The following RASAL2 variants were observed in gnomAD, a reference collection of about 807,000 sequenced individuals.
The protein encoded by RASAL2 is RAS protein activator like 2.
RASAL2 carries 58 observed loss-of-function variants against 128.9 expected under a neutral mutation model. The observed-to-expected ratio is 0.45, with a 90% CI of 0.36 to 0.56. The LOEUF is 0.56. Ranked by LOEUF, RASAL2 falls within the 20% of genes least tolerant of loss-of-function variation. The pLI, the probability that RASAL2 is intolerant of heterozygous loss-of-function variation, is 0.00. For missense variants in RASAL2, 1,360 were observed against 1,601.6 expected (o/e 0.85, Z 2.57); for synonymous variants, 561 against 580.8 (o/e 0.97, Z 0.49).
intron 1 of RASAL2, among the ~76,000 whole-genome samples, chr1:178,246,883 A>G (rs1321251599): frequency 1.3e-5 from 2 of 152,160 alleles, no homozygotes; most frequent in Non-Finnish European, 2.9e-5. Context: ...TGATTTGCAT[A>G]TGTTGAACCA....
At chr1:178,381,833 T>C (rs894753905) in intron 3 of RASAL2, among the ~76,000 whole-genome samples, 3 of 152,150 alleles carry the variant, frequency 2.0e-5, no homozygotes, top group Non-Finnish European at 2.9e-5. Flanking sequence ...GTATATATTA[T>C]TAAATCAGTT....
intron 3 of RASAL2, chr1:178,341,733 G>A: frequency 2.8e-6 from 4 of 1,417,984 alleles, no homozygotes; most frequent in Non-Finnish European, 3.9e-6. Context: ...AAAAAAATAG[G>A]TTGGTTTTTA....
At chr1:178,338,988 G>T (rs1669732069) in intron 3 of RASAL2, among the ~76,000 whole-genome samples, 1 of 152,198 alleles carries the variant, frequency 6.6e-6, no homozygotes, top group African/African-American at 2.4e-5. Flanking sequence ...CCTGACGTTA[G>T]TCAGTGCTTC....
chr1:178,458,175 C>T lies in RASAL2; in HGVS notation c.2883C>T (p.Asp961=). The change falls in exon 14 of 18, where the codon GAC becomes GAT. Residue 961 remains aspartate, a synonymous_variant. Coordinates refer to ENST00000367649, the MANE Select transcript of RASAL2 (RefSeq NM_170692.4). ...CCAGAAGCCAAAGTAACAGTGAAGACTTCAAGCTCAGTGGACCCAGCAATA... is the reference window on the plus strand; with the variant it reads ...CCAGAAGCCAAAGTAACAGTGAAGATTTCAAGCTCAGTGGACCCAGCAATA... ...ASSRSQSNSE[D]FKLSGPSNSS... The T allele has an allele frequency of 6.2e-7, 1 of 1,614,242 alleles. No homozygotes were observed. The highest frequency in any genetic ancestry group is 1.1e-5 in the South Asian group (1 of 91,086).
intron 8 of RASAL2, among the ~76,000 whole-genome samples, chr1:178,444,543 G>A (rs1034804673): frequency 3.3e-5 from 5 of 152,116 alleles, no homozygotes; most frequent in Non-Finnish European, 5.9e-5. Context: ...TAATTATATA[G>A]CATTCAAAAT....
chr1:178,261,995 G>A (rs938816815), intron 1 of RASAL2, among the ~76,000 whole-genome samples: 2 of 151,760 alleles, frequency 1.3e-5, no homozygotes, highest in Non-Finnish European at 2.9e-5. Flanking sequence ...CTCCAGCCTA[G>A]CTAGCCTTTT....
intron 1 of RASAL2, among the ~76,000 whole-genome samples, chr1:178,110,748 G>T (rs1558058512): frequency 6.6e-6 from 1 of 150,474 alleles, no homozygotes. Context: ...TACTATGCCT[G>T]GCTAATTTTT....
intron 3 of RASAL2, among the ~76,000 whole-genome samples, chr1:178,352,741 A>G (rs1670585918): frequency 6.6e-6 from 1 of 152,186 alleles, no homozygotes; most frequent in Non-Finnish European, 1.5e-5. Context: ...CTGGACATCC[A>G]GGCTTTTCCG....
chr1:178,237,256 T>C (rs1346562493), intron 1 of RASAL2, among the ~76,000 whole-genome samples: 3 of 152,032 alleles, frequency 2.0e-5, no homozygotes, highest in Non-Finnish European at 4.4e-5. Context: ...GGGGGCCCAC[T>C]TTGAACACAT....
chr1:178,165,386 A>C (rs1369591005), intron 1 of RASAL2, among the ~76,000 whole-genome samples: 1 of 152,228 alleles, frequency 6.6e-6, no homozygotes, highest in East Asian at 1.9e-4. Context: ...TAAACAATGT[A>C]ACTATTGTGT....
At chr1:178,160,323 G>A (rs1661234648) in intron 1 of RASAL2, among the ~76,000 whole-genome samples, 1 of 152,092 alleles carries the variant, frequency 6.6e-6, no homozygotes, top group Admixed American at 6.5e-5. Flanking sequence ...TGGTAATAAG[G>A]GGGTCGTATT....
intron 9 of RASAL2, among the ~76,000 whole-genome samples, chr1:178,450,950 G>A (rs1414592391): frequency 6.6e-6 from 1 of 152,152 alleles, no homozygotes; most frequent in African/African-American, 2.4e-5. Flanking sequence ...TGTTCTTTCA[G>A]GGAATAGTGG....
rs1244016177 is a variant in RASAL2, at chr1:178,476,468, C to T, written c.*3229C>T. ...TTGAGCACTTACCATGTTCCAAGCA[C>T]TATCACCAAGGTACTGTTGGGGTTT... is the stretch of plus-strand genomic sequence containing the variant. On this transcript the variant is annotated 3_prime_UTR_variant, in exon 18 of 18. Transcript: ENST00000367649. The T allele has an allele frequency of 6.6e-6, 1 of 152,180 alleles. No individual in the cohort carries two copies. Among genetic ancestry groups the T allele is most frequent in the East Asian group, 1.9e-4 (1 of 5,192 alleles). 9.4% of individuals were successfully genotyped at this position (152,180 alleles called of 1,614,324 possible).
intron 8 of RASAL2, among the ~76,000 whole-genome samples, chr1:178,444,471 A>G (rs1426828232): frequency 6.6e-6 from 1 of 152,192 alleles, no homozygotes; most frequent in Non-Finnish European, 1.5e-5. Flanking sequence ...GCTTAATTTT[A>G]AAGTAAAAGT....
At chr1:178,292,885 G>A (rs1469234698) in intron 2 of RASAL2, among the ~76,000 whole-genome samples, 1 of 152,172 alleles carries the variant, frequency 6.6e-6, no homozygotes, top group Non-Finnish European at 1.5e-5. Flanking sequence ...TATTTAGAAT[G>A]TTTAAGGCTG....
At chr1:178,331,604 T>TTG (rs56749357) in intron 3 of RASAL2, among the ~76,000 whole-genome samples, 1 of 148,894 alleles carries the variant, frequency 6.7e-6, no homozygotes, top group Non-Finnish European at 1.5e-5. Flanking sequence ...TTTTTTTTTT[T>TTG]GAGACAGATT....
chr1:178,452,705 G>A (rs1299518969), intron 11 of RASAL2, 53 bp downstream of exon 11: 1 of 1,476,276 alleles, frequency 6.8e-7, no homozygotes. Flanking sequence ...AAATACTTGA[G>A]GCCTAAAATT....
intron 3 of RASAL2, among the ~76,000 whole-genome samples, chr1:178,305,921 A>G (rs893616960): frequency 1.3e-5 from 2 of 152,212 alleles, no homozygotes; most frequent in African/African-American, 4.8e-5. Flanking sequence ...TAAAGAGGAA[A>G]GATGAAAATC....
At chr1:178,334,126 C>T (rs1425348470) in intron 3 of RASAL2, among the ~76,000 whole-genome samples, 4 of 152,094 alleles carry the variant, frequency 2.6e-5, no homozygotes, top group Non-Finnish European at 5.9e-5. Flanking sequence ...GGTATAATAC[C>T]TAATTCATTT....
Sources: allele counts gnomAD v4.1 joint callset (sites outside exome capture counted in the v4.1 genomes callset), GRCh38; gene constraint gnomAD v4.1.1; transcripts MANE v1.5; gene names NCBI Gene and HGNC (gene_info 2026-07-23, HGNC 2026-07-21).